ACAD11: variants seen among roughly 807,000 people sequenced by gnomAD.
ACAD11 encodes acyl-Coenzyme A dehydrogenase family, member 11.
ACAD11 carries 83 observed loss-of-function variants against 102.2 expected under a neutral mutation model. The observed-to-expected ratio is 0.81, with a 90% CI of 0.68 to 0.97. The LOEUF is 0.97. Among genes scored for constraint, ACAD11 ranks in the 50% least tolerant of loss-of-function variants. The pLI, the probability that ACAD11 is intolerant of heterozygous loss-of-function variation, is 0.00. For synonymous variants in ACAD11, 324 were observed against 319.8 expected (o/e 1.01, Z -0.14); for missense variants, 901 against 951.7 (o/e 0.95, Z 0.70).
intron 8 of ACAD11, 91 bp from the exon 9 acceptor site, chr3:132,626,908 T>G: frequency 7.5e-7 from 1 of 1,327,186 alleles, no homozygotes; most frequent in Non-Finnish European, 1.0e-6. Context: ...TTTCCTCAGC[T>G]ACCCAAAAAA....
chr3:132,640,001 C>CAT (rs1014865479), intron 4 of ACAD11, among the ~76,000 whole-genome samples: 2 of 149,318 alleles, frequency 1.3e-5, no homozygotes, highest in African/African-American at 4.9e-5. Flanking sequence ...CTCTCTCTCA[C>CAT]ACACACACAC....
At chr3:132,580,377 A>G (rs190809977) in intron 13 of ACAD11, among the ~76,000 whole-genome samples, 211 of 152,192 alleles carry the variant, frequency 1.4e-3, no homozygotes, top group Non-Finnish European at 2.5e-4. Context: ...TGTAATCAGT[A>G]AAGTTCAGAC....
At chr3:132,593,581 T>C (rs1377228012) in intron 13 of ACAD11, among the ~76,000 whole-genome samples, 1 of 152,192 alleles carries the variant, frequency 6.6e-6, no homozygotes, top group Non-Finnish European at 1.5e-5. Flanking sequence ...TATACATTAT[T>C]GGTAGAGAAC....
intron 1 of ACAD11, among the ~76,000 whole-genome samples, chr3:132,645,594 T>C (rs16839475): frequency 0.026 from 3,953 of 152,210 alleles, 169 homozygotes; most frequent in African/African-American, 0.089. Context: ...TTTTGAAGAA[T>C]CCAACTGTAT....
At chr3:132,637,675 C>T (rs1271072250) in intron 5 of ACAD11, among the ~76,000 whole-genome samples, 3 of 152,082 alleles carry the variant, frequency 2.0e-5, no homozygotes, top group Non-Finnish European at 2.9e-5. Context: ...TCCAGGAAAA[C>T]TGGATTTCTT....
At chr3:132,618,318 C>A in intron 11 of ACAD11, 1 of 291,862 alleles carries the variant, frequency 3.4e-6, no homozygotes, top group South Asian at 1.4e-4. Context: ...ATTTGAAACT[C>A]TCTATCCATT....
At chr3:132,657,866 CTTTTTTTT>C (rs56190801) in intron 1 of ACAD11, among the ~76,000 whole-genome samples, 2 of 119,164 alleles carry the variant, frequency 1.7e-5, no homozygotes, top group East Asian at 2.9e-4. Flanking sequence ...ACACATATTC[CTTTTTTTT>C]TTTTTTTTTT....
At chr3:132,656,507 T>C (rs2107911209) in intron 1 of ACAD11, among the ~76,000 whole-genome samples, 1 of 151,924 alleles carries the variant, frequency 6.6e-6, no homozygotes, top group Non-Finnish European at 1.5e-5. Flanking sequence ...TTTTTTTTTT[T>C]TTGAGACGGA....
intron 2 of ACAD11, among the ~76,000 whole-genome samples, chr3:132,643,623 A>G (rs888716729): frequency 6.6e-6 from 1 of 152,122 alleles, no homozygotes; most frequent in Non-Finnish European, 1.5e-5. Context: ...GGCTGTGGCA[A>G]TAACTGGAAG....
intron 5 of ACAD11, among the ~76,000 whole-genome samples, chr3:132,631,732 T>C (rs1940049140): frequency 6.6e-6 from 1 of 152,212 alleles, no homozygotes; most frequent in Admixed American, 6.5e-5. Context: ...TCTCTGCTAA[T>C]GAGCAGATGC....
intron 6 of ACAD11, among the ~76,000 whole-genome samples, chr3:132,630,988 T>C (rs942262859): frequency 6.6e-6 from 1 of 152,062 alleles, no homozygotes; most frequent in Non-Finnish European, 1.5e-5. Context: ...GGAGAATCAC[T>C]TGAGCCCAGG....
At position 132,639,530 on chromosome 3, in the gene ACAD11, C is replaced by T. The variant is rs1318393376; in HGVS notation, c.664G>A (p.Asp222Asn). 2.5e-6 allele frequency: 4 copies of T among 1,613,896 alleles called. No individual in the cohort carries two copies. The highest frequency in any genetic ancestry group is 1.7e-5 in the Admixed American group (1 of 59,970). Reference sequence around the variant, plus strand: ...AAAACTATGTTATCTAGTCTGAAATCTCCATGAATCAAATTCTCTTCATTG... The same window carrying T: ...AAAACTATGTTATCTAGTCTGAAATTTCCATGAATCAAATTCTCTTCATTG... ...NDNEENLIHG[D>N]FRLDNIVFHP... Residue 222 changes from aspartate to asparagine, a missense_variant, in exon 5 of 20, where the codon GAT becomes AAT. Asp to Asn is a conservative substitution (Grantham distance 23, BLOSUM62 1). Coordinates refer to ENST00000264990, the MANE Select transcript of ACAD11 (RefSeq NM_032169.5).
chr3:132,559,783 T>G (rs762360085), intron 19 of ACAD11, 50 bp downstream of exon 19: 11 of 1,465,956 alleles, frequency 7.5e-6, no homozygotes, highest in Admixed American at 3.8e-5. Flanking sequence ...GTAGATTTTT[T>G]ACCTCCACGC....
At chr3:132,654,916 A>T (rs1369747871) in intron 1 of ACAD11, among the ~76,000 whole-genome samples, 2 of 152,232 alleles carry the variant, frequency 1.3e-5, no homozygotes, top group Non-Finnish European at 2.9e-5. Context: ...CCGATAGGAC[A>T]CACCTGAGCT....
intron 15 of ACAD11, among the ~76,000 whole-genome samples, 157 bp from the exon 16 acceptor site, chr3:132,577,172 G>A (rs1937535778): frequency 6.6e-6 from 1 of 151,964 alleles, no homozygotes; most frequent in East Asian, 1.9e-4. Flanking sequence ...TGAACCCCAG[G>A]ACCCAGCAGC....
chr3:132,575,193 A>G (rs1937504016), intron 17 of ACAD11, among the ~76,000 whole-genome samples: 1 of 152,144 alleles, frequency 6.6e-6, no homozygotes, highest in Non-Finnish European at 1.5e-5. Flanking sequence ...CTATGTTTAC[A>G]GTGATTTGTA....
intron 11 of ACAD11, among the ~76,000 whole-genome samples, chr3:132,606,964 C>T (rs1312387556): frequency 6.6e-6 from 1 of 152,206 alleles, no homozygotes; most frequent in East Asian, 1.9e-4. Context: ...GTTCTGCAGC[C>T]TCCACTTGTG....
At chr3:132,635,004 C>T (rs185162542) in intron 5 of ACAD11, among the ~76,000 whole-genome samples, 3,754 of 149,860 alleles carry the variant, frequency 0.025, 143 homozygotes, top group African/African-American at 0.087. Context: ...TGTATACATA[C>T]GTAACAAACC....
intron 17 of ACAD11, among the ~76,000 whole-genome samples, chr3:132,566,416 AG>A (rs1937215110): frequency 6.6e-6 from 1 of 152,168 alleles, no homozygotes. Flanking sequence ...AAAAGTTTGA[AG>A]AAACAATGGT....
Sources: allele counts gnomAD v4.1 joint callset (sites outside exome capture counted in the v4.1 genomes callset), GRCh38; gene constraint gnomAD v4.1.1; transcripts MANE v1.5; gene names NCBI Gene and HGNC (gene_info 2026-07-23, HGNC 2026-07-21).